The following MYLK variants were observed in gnomAD, a reference collection of about 807,000 sequenced individuals.
MYLK encodes the protein myosin light chain kinase.
Under a neutral mutation model 203.4 loss-of-function variants are expected in MYLK, and 106 were observed. That is an observed-to-expected ratio of 0.52 (90% CI 0.45 to 0.61). The LOEUF (loss-of-function observed/expected upper bound fraction) is 0.61, where lower values mean the gene tolerates loss of function less well. Ranked by LOEUF, MYLK falls within the 20% of genes least tolerant of loss-of-function variation. The pLI is 0.00. For synonymous variants in MYLK, 867 were observed against 959.5 expected, an observed-to-expected ratio of 0.90 and a Z score of 1.78; for missense variants, 2,072 against 2,442.3, an observed-to-expected ratio of 0.85 and a Z score of 3.20.
intron 20 of MYLK, among the ~76,000 whole-genome samples, chr3:123,671,109 A>G (rs1053435040): frequency 2.6e-5 from 4 of 152,274 alleles, no homozygotes; most frequent in African/African-American, 9.6e-5. Flanking sequence ...AGTTAAAATA[A>G]TTTAAGGGGC....
Position 123,700,792 on chromosome 3 carries a change from C to T in MYLK, c.2676G>A (p.Val892=), listed in dbSNP as rs745607567. Residue 892 remains valine, a synonymous_variant, in exon 18 of 34, where the codon GTG becomes GTA. Coordinates refer to ENST00000360304, the MANE Select transcript of MYLK (RefSeq NM_053025.4). The stretch of plus-strand genomic sequence containing the variant: ...GGAGGTCTCGGAAGTCCAGCTGCTC[C>T]ACCTCCTGCTGGCGGATCGCCTCCT... ...HTEEAIRQQE[V]EQLDFRDLLG... 1 of 1,614,230 alleles carries T rather than the reference C, an allele frequency of 6.2e-7. No individual in the cohort carries two copies. Among genetic ancestry groups the T allele is most frequent in the Non-Finnish European group, 8.5e-7 (1 of 1,180,040 alleles).
At chr3:123,757,335 T>G (rs1175891047) in intron 4 of MYLK, among the ~76,000 whole-genome samples, 1 of 152,058 alleles carries the variant, frequency 6.6e-6, no homozygotes, top group East Asian at 1.9e-4. Flanking sequence ...CCAAGCTTGG[T>G]GAGTAGCAGA....
At chr3:123,743,342 A>C (rs929774977) in intron 5 of MYLK, among the ~76,000 whole-genome samples, 2 of 152,198 alleles carry the variant, frequency 1.3e-5, no homozygotes, top group Non-Finnish European at 2.9e-5. Context: ...ATATCACATA[A>C]AGCAGTCAGC....
intron 4 of MYLK, among the ~76,000 whole-genome samples, chr3:123,770,823 C>T (rs2063857726): frequency 6.6e-6 from 1 of 152,144 alleles, no homozygotes; most frequent in African/African-American, 2.4e-5. Flanking sequence ...AAGGATAAAT[C>T]GGTCCATAAT....
At chr3:123,624,162 G>A (rs529123360) in intron 31 of MYLK, 3 of 151,718 alleles carry the variant, frequency 2.0e-5, no homozygotes, top group African/African-American at 7.3e-5. Context: ...TTCTACCAAA[G>A]GAGAAAAAAA....
chr3:123,738,734 AT>A (rs974415220), intron 7 of MYLK, among the ~76,000 whole-genome samples, 162 bp downstream of exon 7: 1 of 152,180 alleles, frequency 6.6e-6, no homozygotes, highest in Non-Finnish European at 1.5e-5. Flanking sequence ...TTGGCTCCTC[AT>A]TCACCTTCTG....
chr3:123,748,798 C>G (rs6438807), intron 5 of MYLK, among the ~76,000 whole-genome samples: 8,075 of 152,150 alleles, frequency 0.053, 705 homozygotes, highest in African/African-American at 0.18. Context: ...AGGCCGGGCA[C>G]GGTGGCTCAC....
Position 123,708,737 on chromosome 3 carries a change from C to A in MYLK, c.2101G>T (p.Ala701Ser). ...ACGGCCTGGGTGCGGACCTCTCCAG[C>A]GCTGTTCCAGGCCTCGCAGGTGTAC... ...GTYTCEAWNS[A>S]GEVRTQAVLT... is the part of the protein sequence containing the mutation. Residue 701 changes from alanine (A) to serine (S), a missense_variant, in exon 15 of 34, where the codon GCT becomes TCT. Physicochemically the swap from Ala to Ser is moderately conservative, Grantham distance 99. Transcript: ENST00000360304. 1 of 1,614,186 alleles carries A rather than the reference C, an allele frequency of 6.2e-7. No homozygotes were observed. Among genetic ancestry groups the A allele is most frequent in the Non-Finnish European group, 8.5e-7 (1 of 1,180,040 alleles).
Position 123,613,739 on chromosome 3 carries a change from G to C in MYLK, c.*366C>G. ...ACCCTCTGGGCTGAGCTGTGGCCCAGAACTCTTGTTTTGGCCTTATTTTTC... is the reference window on the plus strand; with the variant it reads ...ACCCTCTGGGCTGAGCTGTGGCCCACAACTCTTGTTTTGGCCTTATTTTTC... On this transcript the variant is annotated 3_prime_UTR_variant, in exon 34 of 34. Transcript: ENST00000360304. 1 of 315,058 alleles carries C rather than the reference G, an allele frequency of 3.2e-6. No individual in the cohort carries two copies. The highest frequency in any genetic ancestry group is 8.8e-5 in the East Asian group (1 of 11,374). 19.5% of individuals were successfully genotyped at this position (315,058 alleles called of 1,614,324 possible). A position where few individuals can be genotyped will look rare whatever the true frequency, so the allele number is the denominator to read the frequency against.
At chr3:123,615,653 CT>C (rs1553769391) in intron 33 of MYLK, among the ~76,000 whole-genome samples, 15 of 144,400 alleles carry the variant, frequency 1.0e-4, no homozygotes, top group Middle Eastern at 3.4e-3. Context: ...AATTTTCTAT[CT>C]TTTTTTTTTT....
intron 20 of MYLK, among the ~76,000 whole-genome samples, chr3:123,680,526 G>A (rs1416331690): frequency 6.6e-6 from 1 of 152,098 alleles, no homozygotes; most frequent in African/African-American, 2.4e-5. Flanking sequence ...ATTTTTCTTG[G>A]TATTATGTAT....
chr3:123,779,905 T>C (rs1020681281), intron 4 of MYLK, among the ~76,000 whole-genome samples: 1 of 152,178 alleles, frequency 6.6e-6, no homozygotes, highest in African/African-American at 2.4e-5. Context: ...GTGTGGGAAG[T>C]GCAGATTTAG....
chr3:123,780,006 T>G (rs957844331), intron 4 of MYLK, among the ~76,000 whole-genome samples: 2 of 152,206 alleles, frequency 1.3e-5, no homozygotes, highest in Non-Finnish European at 2.9e-5. Flanking sequence ...AGTACAAACA[T>G]CCTGCATACC....
chr3:123,758,271 C>T (rs531261968), intron 4 of MYLK, among the ~76,000 whole-genome samples: 3 of 152,252 alleles, frequency 2.0e-5, no homozygotes, highest in East Asian at 3.9e-4. Flanking sequence ...AATCCCATTG[C>T]CAACAGTCAA....
intron 19 of MYLK, among the ~76,000 whole-genome samples, chr3:123,688,295 A>C (rs1217030681): frequency 6.6e-6 from 1 of 152,066 alleles, no homozygotes; most frequent in Non-Finnish European, 1.5e-5. Context: ...GAGGTCAAAT[A>C]GCAATCTTAA....
intron 3 of MYLK, among the ~76,000 whole-genome samples, chr3:123,830,176 T>C (rs981347444): frequency 2.0e-5 from 3 of 152,218 alleles, no homozygotes; most frequent in Non-Finnish European, 4.4e-5. Flanking sequence ...TTTGATCTTC[T>C]ACCTACGGTG....
rs138133162 is a variant in MYLK, at chr3:123,713,094, G to C, written c.1805-3201C>G. Reference sequence around the variant, plus strand: ...CAAGCTTTCATTGCACCCCCTCCAGGAGATGAGTGAGTGAACTTGGGGGAA... The same window carrying C: ...CAAGCTTTCATTGCACCCCCTCCAGCAGATGAGTGAGTGAACTTGGGGGAA... On this transcript the variant is annotated intron_variant, in intron 13 of 33. Transcript: ENST00000360304. Among the ~76,000 whole-genome samples, 8 of 152,328 alleles carry C rather than the reference G, an allele frequency of 5.3e-5. No individual in the cohort carries two copies. In the East Asian group the frequency reaches 1.5e-3, roughly 29 times the overall value.
At chr3:123,628,516 G>A (rs781316630) in intron 30 of MYLK, among the ~76,000 whole-genome samples, 1 of 152,098 alleles carries the variant, frequency 6.6e-6, no homozygotes, top group Admixed American at 6.6e-5. Flanking sequence ...CAAGCTCCTC[G>A]GCACCCCTAC....
At chr3:123,880,973 G>A (rs1304905497) in intron 1 of MYLK, among the ~76,000 whole-genome samples, 1 of 152,176 alleles carries the variant, frequency 6.6e-6, no homozygotes, top group Admixed American at 6.5e-5. Flanking sequence ...AGTTTGTGAG[G>A]GGAATGCATT....
Sources: gnomAD v4.1 joint callset for allele counts (sites outside exome capture counted in the v4.1 genomes callset) on GRCh38, gnomAD v4.1.1 for gene constraint, MANE v1.5 for transcripts, NCBI Gene and HGNC (gene_info 2026-07-23, HGNC 2026-07-21) for gene names.